The following NTRK3 variants were observed in gnomAD, a reference collection of about 807,000 sequenced individuals.
NTRK3 encodes the protein NT-3 growth factor receptor.
A neutral mutation model predicts 91.7 loss-of-function variants in NTRK3; 24 were observed. That is an observed-to-expected ratio of 0.26 (90% CI 0.19 to 0.37). The LOEUF (loss-of-function observed/expected upper bound fraction) is 0.37, where lower values mean the gene tolerates loss of function less well. Ranked by LOEUF, NTRK3 falls within the 10% of genes least tolerant of loss-of-function variation. The pLI, the probability that NTRK3 is intolerant of heterozygous loss-of-function variation, is 1.00. For missense variants in NTRK3, 880 were observed against 1,068.9 expected (o/e 0.82, Z 2.46); for synonymous variants, 483 against 404.0 (o/e 1.20, Z -2.34).
chr15:88,187,972 C>T (rs912653200), intron 3 of NTRK3, among the ~76,000 whole-genome samples: 4 of 152,064 alleles, frequency 2.6e-5, no homozygotes, highest in Non-Finnish European at 5.9e-5. Context: ...CTATTAACTT[C>T]TAGAGGCAGG....
rs1218367633 is a variant in NTRK3, at chr15:88,255,103, T to C, written c.248+803A>G. On this transcript the variant is annotated intron_variant, in intron 3 of 18. Coordinates refer to ENST00000394480, the Ensembl canonical transcript of NTRK3. The surrounding 1 kb of genome is among the most constrained non-coding windows in gnomAD (Gnocchi z 4.3). The stretch of plus-strand genomic sequence containing the variant: ...GTTCCAAATGAACCGATCCGCACGA[T>C]CACACAAGAAACCCCTCTCCTCAAA... Among the ~76,000 whole-genome samples, 1 of 151,998 alleles carries C rather than the reference T, an allele frequency of 6.6e-6. No individual in the cohort carries two copies. Among genetic ancestry groups the C allele is most frequent in the African/African-American group, 2.4e-5 (1 of 41,374 alleles).
intron 17 of NTRK3, among the ~76,000 whole-genome samples, chr15:87,923,841 G>A (rs553821011): frequency 2.6e-5 from 4 of 152,128 alleles, no homozygotes; most frequent in African/African-American, 7.2e-5. Context: ...TCACAAGAGC[G>A]GGTTTACTAT....
intron 17 of NTRK3, among the ~76,000 whole-genome samples, chr15:87,881,275 T>A (rs190173860): frequency 4.3e-4 from 65 of 152,328 alleles, no homozygotes; most frequent in African/African-American, 1.6e-3. Flanking sequence ...CATTAGTAAA[T>A]AGATTTTCAG....
chr15:87,923,843 G>A (rs1206660318), intron 17 of NTRK3, among the ~76,000 whole-genome samples: 1 of 152,050 alleles, frequency 6.6e-6, no homozygotes, highest in Non-Finnish European at 1.5e-5. Flanking sequence ...ACAAGAGCGG[G>A]TTTACTATAA....
intron 5 of NTRK3, among the ~76,000 whole-genome samples, chr15:88,149,659 C>A (rs918013713): frequency 5.3e-5 from 8 of 152,214 alleles, no homozygotes; most frequent in Admixed American, 4.6e-4. Context: ...CCTGAGGACA[C>A]CACCTGGGGC....
At chr15:88,131,183 T>C (rs1226831090) in intron 10 of NTRK3, among the ~76,000 whole-genome samples, 7 of 152,218 alleles carry the variant, frequency 4.6e-5, no homozygotes, top group Non-Finnish European at 1.0e-4. Context: ...CTGTTCCCTT[T>C]GGAATGCACT....
intron 14 of NTRK3, among the ~76,000 whole-genome samples, chr15:87,966,194 A>G (rs1307314364): frequency 6.6e-6 from 1 of 152,234 alleles, no homozygotes; most frequent in Non-Finnish European, 1.5e-5. Context: ...TTACTCACTT[A>G]TCTATACCAG....
chr15:88,014,010 G>T (rs1018124107), intron 14 of NTRK3, among the ~76,000 whole-genome samples: 1 of 152,168 alleles, frequency 6.6e-6, no homozygotes, highest in Admixed American at 6.5e-5. Flanking sequence ...GCAGCAAAGT[G>T]GCAGTGCCCC....
chr15:88,079,507 G>A (rs138814134), intron 13 of NTRK3, among the ~76,000 whole-genome samples: 20 of 152,316 alleles, frequency 1.3e-4, no homozygotes, highest in African/African-American at 4.3e-4. Context: ...TGGCAGGCAC[G>A]TGCTCTCAGC....
chr15:88,183,302 C>A lies in NTRK3; in HGVS notation c.395+116G>T, dbSNP rs545005696. 9.5e-5 allele frequency: 95 copies of A among 998,354 alleles called. 1 individual carries two copies. The African/African-American group carries it at 1.3e-3, about 13-fold the overall frequency. 61.8% of individuals were successfully genotyped at this position (998,354 alleles called of 1,614,324 possible). A position where few individuals can be genotyped will look rare whatever the true frequency, so the allele number is the denominator to read the frequency against. On this transcript the variant is annotated intron_variant, in intron 5 of 18. Transcript: ENST00000394480. ...ATTGGAAGCCCAATAAAGTTCAAAA[C>A]CTTGCCCAAGAGCCCCTGGAGGCAA...
rs145749975 is a variant in NTRK3 at position 87,961,009 on chromosome 15, C to T, written c.1586-20256G>A. Reference sequence around the variant, plus strand: ...AGTGATCTCTGATGCCCAGGCCCAACTGCTTTTTCCTAGTCCTCATTCAAC... The same window carrying T: ...AGTGATCTCTGATGCCCAGGCCCAATTGCTTTTTCCTAGTCCTCATTCAAC... On this transcript the variant is annotated intron_variant, in intron 14 of 18. Coordinates refer to ENST00000394480, the Ensembl canonical transcript of NTRK3. 4.6e-5 allele frequency among the ~76,000 whole-genome samples: 7 copies of T among 152,302 alleles called. No individual in the cohort carries two copies. In the East Asian group the frequency reaches 1.4e-3, roughly 29 times the overall value.
chr15:87,927,366 G>C (rs376443833), intron 17 of NTRK3: 5 of 152,308 alleles, frequency 3.3e-5, no homozygotes, highest in African/African-American at 1.2e-4. Context: ...TTTAACGTCT[G>C]AGTGATCTCA....
At chr15:88,117,061 G>A (rs2151025680) in intron 13 of NTRK3, among the ~76,000 whole-genome samples, 1 of 152,324 alleles carries the variant, frequency 6.6e-6, no homozygotes, top group Non-Finnish European at 1.5e-5. Context: ...GAAATCACCA[G>A]AGGAAGTAAA....
chr15:88,086,122 C>T (rs561745806), intron 13 of NTRK3, among the ~76,000 whole-genome samples: 3 of 152,194 alleles, frequency 2.0e-5, no homozygotes, highest in South Asian at 4.1e-4. Flanking sequence ...TAACCAGAAC[C>T]GTTCTCTAGA....
At chr15:87,959,768 C>A (rs2072057368) in intron 14 of NTRK3, among the ~76,000 whole-genome samples, 1 of 152,190 alleles carries the variant, frequency 6.6e-6, no homozygotes, top group South Asian at 2.1e-4. Context: ...TACTGGAAAG[C>A]CCTCAAATAT....
rs2051393915 is a variant in NTRK3, at chr15:88,233,479, CCA to C, written c.248+22425_248+22426del. On this transcript the variant is annotated intron_variant, in intron 3 of 18. Transcript: ENST00000394480. The surrounding 1 kb of genome is among the most constrained non-coding windows in gnomAD (Gnocchi z 4.2). The stretch of plus-strand genomic sequence containing the variant: ...CCCCACGAAAGTTAGCACACTGAAA[CCA>C]CAGTTAGCATCCTCGAAAGAGCAAA... 1.3e-5 allele frequency among the ~76,000 whole-genome samples: 2 copies of C among 152,224 alleles called. No homozygotes were observed. Among genetic ancestry groups the C allele is most frequent in the Admixed American group, 1.3e-4 (2 of 15,298 alleles).
chr15:88,156,044 G>C (rs1163416642), intron 5 of NTRK3, among the ~76,000 whole-genome samples: 1 of 152,188 alleles, frequency 6.6e-6, no homozygotes, highest in African/African-American at 2.4e-5. Flanking sequence ...CCCCAGTAGA[G>C]AGAAGCAGTC....
chr15:88,055,517 C>G (rs540896998), intron 13 of NTRK3, among the ~76,000 whole-genome samples: 1 of 152,288 alleles, frequency 6.6e-6, no homozygotes, highest in African/African-American at 2.4e-5. Context: ...TTCATCATCA[C>G]AGCATCTCCT....
At chr15:87,998,965 A>T (rs1052885402) in intron 14 of NTRK3, among the ~76,000 whole-genome samples, 5 of 152,138 alleles carry the variant, frequency 3.3e-5, no homozygotes, top group Admixed American at 2.6e-4. Flanking sequence ...GATGTACTGC[A>T]ATGGAGGAAG....
Sources: allele counts gnomAD v4.1 joint callset (sites outside exome capture counted in the v4.1 genomes callset), GRCh38; gene constraint gnomAD v4.1.1; non-coding constraint Gnocchi (gnomAD v3.1); transcripts MANE v1.5; gene names NCBI Gene and HGNC (gene_info 2026-07-23, HGNC 2026-07-21).